MEMO1: variants seen among roughly 807,000 people sequenced by gnomAD.
The protein encoded by MEMO1 is protein MEMO1.
MEMO1 carries 6 observed loss-of-function variants against 45.2 expected under a neutral mutation model. The ratio of observed to expected loss-of-function variants is 0.13; its 90% CI spans 0.07 to 0.26. The LOEUF is 0.26. Ranked by LOEUF, MEMO1 falls within the 10% of genes least tolerant of loss-of-function variation. The probability of loss-of-function intolerance (pLI) is 1.00; values close to 1 mark genes in which losing one functional copy is unlikely to be tolerated. For missense variants in MEMO1, 184 were observed against 370.5 expected (o/e 0.50, Z 4.13); for synonymous variants, 78 against 124.3 (o/e 0.63, Z 2.48).
At chr2:31,878,539 A>G (rs1572545988) in intron 8 of MEMO1, among the ~76,000 whole-genome samples, 3 of 152,172 alleles carry the variant, frequency 2.0e-5, no homozygotes, top group Admixed American at 2.0e-4. Context: ...CTTGGTGGGA[A>G]GAAAATCAGG....
intron 5 of MEMO1, among the ~76,000 whole-genome samples, chr2:31,920,443 G>T (rs1213789860): frequency 6.6e-6 from 1 of 152,016 alleles, no homozygotes; most frequent in African/African-American, 2.4e-5. Context: ...GAGAAAAGTG[G>T]CGTTACATGG....
At chr2:31,995,924 T>C (rs1672540138) in intron 2 of MEMO1, among the ~76,000 whole-genome samples, 1 of 152,012 alleles carries the variant, frequency 6.6e-6, no homozygotes, top group Non-Finnish European at 1.5e-5. Flanking sequence ...AAAAAAATCA[T>C]AGACTTCCAG....
chr2:31,912,964 T>C (rs551877216), intron 6 of MEMO1, among the ~76,000 whole-genome samples: 8 of 152,278 alleles, frequency 5.3e-5, no homozygotes, highest in African/African-American at 1.9e-4. Context: ...AAAGCTCTAA[T>C]GAATACAATT....
chr2:31,896,873 T>C (rs1677907244), intron 6 of MEMO1, among the ~76,000 whole-genome samples: 1 of 152,194 alleles, frequency 6.6e-6, no homozygotes, highest in Admixed American at 6.5e-5. Flanking sequence ...AAAGAAGATA[T>C]ACAAATGGAT....
At chr2:31,912,756 T>G (rs549236626) in intron 6 of MEMO1, among the ~76,000 whole-genome samples, 8 of 152,158 alleles carry the variant, frequency 5.3e-5, no homozygotes, top group Non-Finnish European at 1.2e-4. Context: ...AAATATATGT[T>G]AGTGTATGCA....
intron 9 of MEMO1, among the ~76,000 whole-genome samples, chr2:31,869,161 T>TA (rs1390115322): frequency 6.6e-6 from 1 of 152,172 alleles, no homozygotes. Flanking sequence ...GGTCCTAACT[T>TA]AGTCTATTCT....
At chr2:31,962,413 AAGAG>A (rs1039616014) in intron 2 of MEMO1, among the ~76,000 whole-genome samples, 15 of 151,958 alleles carry the variant, frequency 9.9e-5, no homozygotes, top group Non-Finnish European at 1.8e-4. Context: ...GAAAAGAAAG[AAGAG>A]AGAGAGAGAT....
Position 31,909,412 on chromosome 2 carries a change from G to A in MEMO1, c.437+8514C>T, listed in dbSNP as rs569588570. Among the ~76,000 whole-genome samples, 6 of 152,252 alleles carry A rather than the reference G, an allele frequency of 3.9e-5. 1 individual carries two copies. The South Asian group carries it at 8.3e-4, about 21-fold the overall frequency. On this transcript the variant is annotated intron_variant, in intron 6 of 9. Coordinates refer to ENST00000404530, the MANE Select transcript of MEMO1 (RefSeq NM_001301833.4). The stretch of plus-strand genomic sequence containing the variant: ...TCTGATAAACAAAATCAGTAAAGCT[G>A]CAGGATACAAAATCAACACAGAAAA...
chr2:31,921,792 A>C (rs1682345939), intron 4 of MEMO1, among the ~76,000 whole-genome samples: 1 of 152,132 alleles, frequency 6.6e-6, no homozygotes, highest in African/African-American at 2.4e-5. Context: ...ATTCTATATA[A>C]TAAGCTTTCT....
In MEMO1 at chr2:31,969,574, G is replaced by GT. The variant is rs1558541868; in HGVS notation, c.62-26192_62-26191insA. Among the ~76,000 whole-genome samples, 631 of 110,712 alleles carry GT rather than the reference G, an allele frequency of 5.7e-3. 8 individuals are homozygous for GT. Among genetic ancestry groups the GT allele is most frequent in the African/African-American group, 0.017 (464 of 27,252 alleles). The allele number at this position is 110,712 out of a possible 152,430, so 72.6% of individuals were successfully genotyped here. A position where few individuals can be genotyped will look rare whatever the true frequency, so the allele number is the denominator to read the frequency against. On this transcript the variant is annotated intron_variant, in intron 2 of 9. Transcript: ENST00000404530. ...CTATACTTTCTAAATCTTTTCTGGG[G>GT]GTGTGTGTGTGGGTGTGTGTGTGTG... is the stretch of plus-strand genomic sequence containing the variant.
At chr2:31,882,705 T>C (rs967817098) in intron 8 of MEMO1, among the ~76,000 whole-genome samples, 5 of 152,174 alleles carry the variant, frequency 3.3e-5, no homozygotes, top group African/African-American at 4.8e-5. Flanking sequence ...TTTGTGTATA[T>C]TGGAATTCCT....
chr2:31,914,380 G>A (rs115733085), intron 6 of MEMO1, among the ~76,000 whole-genome samples: 13 of 152,306 alleles, frequency 8.5e-5, no homozygotes, highest in African/African-American at 2.4e-4. Context: ...AGGGTAGGTG[G>A]GGATGGTTAA....
chr2:31,899,550 C>G (rs1234859018), intron 6 of MEMO1, among the ~76,000 whole-genome samples: 1 of 152,208 alleles, frequency 6.6e-6, no homozygotes, highest in African/African-American at 2.4e-5. Context: ...GGATTAAAAA[C>G]TTAAACGTAA....
chr2:31,938,172 A>G (rs1262055399), intron 3 of MEMO1, among the ~76,000 whole-genome samples: 3 of 152,192 alleles, frequency 2.0e-5, no homozygotes, highest in African/African-American at 7.2e-5. Flanking sequence ...TGACAGGTCA[A>G]TATTTATTCT....
chr2:31,893,043 C>G (rs923089476), intron 6 of MEMO1, among the ~76,000 whole-genome samples: 5 of 152,090 alleles, frequency 3.3e-5, no homozygotes, highest in Non-Finnish European at 5.9e-5. Context: ...TTGTTCTCAA[C>G]AGGACCTTTT....
At chr2:31,887,010 A>G (rs1183331521) in intron 7 of MEMO1, among the ~76,000 whole-genome samples, 4 of 152,204 alleles carry the variant, frequency 2.6e-5, no homozygotes, top group African/African-American at 9.6e-5. Flanking sequence ...CCCAAGAAAA[A>G]AATCCTGTAA....
At chr2:31,963,108 A>G in intron 2 of MEMO1, 1 of 1,428,126 alleles carries the variant, frequency 7.0e-7, no homozygotes, top group East Asian at 2.5e-5. Context: ...ACCCATCCTC[A>G]GTCTCTAACT....
intron 3 of MEMO1, among the ~76,000 whole-genome samples, chr2:31,942,815 C>T (rs753647074): frequency 3.3e-5 from 5 of 152,032 alleles, no homozygotes; most frequent in Admixed American, 6.6e-5. Flanking sequence ...AGCCACCACA[C>T]GCAGCCAAAG....
intron 1 of MEMO1, among the ~76,000 whole-genome samples, chr2:32,010,711 C>T (rs1418612100): frequency 6.7e-6 from 1 of 150,004 alleles, no homozygotes; most frequent in African/African-American, 2.4e-5. Flanking sequence ...CGCACCCACC[C>T]CCACCCCCGG....
Sources: gnomAD v4.1 joint callset for allele counts (sites outside exome capture counted in the v4.1 genomes callset) on GRCh38, gnomAD v4.1.1 for gene constraint, MANE v1.5 for transcripts, NCBI Gene and HGNC (gene_info 2026-07-23, HGNC 2026-07-21) for gene names.